The following SCHIP1 variants were observed in gnomAD, a reference collection of about 807,000 sequenced individuals.
SCHIP1 encodes the protein schwannomin interacting protein 1, also known as schwannomin-interacting protein 1.
A neutral mutation model predicts 29.7 loss-of-function variants in SCHIP1; 8 were observed. The ratio of observed to expected loss-of-function variants is 0.27; its 90% CI spans 0.16 to 0.49. The LOEUF (loss-of-function observed/expected upper bound fraction) is 0.49. SCHIP1 is among the 20% of genes least tolerant of loss of function. The probability of loss-of-function intolerance (pLI) is 0.99; values close to 1 mark genes in which losing one functional copy is unlikely to be tolerated. For missense variants in SCHIP1, 193 were observed against 294.6 expected (o/e 0.66, Z 2.52); for synonymous variants, 76 against 94.9 (o/e 0.80, Z 1.16).
the SCHIP1 span, among the ~76,000 whole-genome samples, chr3:159,359,389 A>G: frequency 2.3e-4 from 35 of 152,264 alleles, no homozygotes; most frequent in Middle Eastern, 0.01. Context: ...TGCCTTTCTG[A>G]TGGGTCATAT....
the SCHIP1 span, among the ~76,000 whole-genome samples, chr3:159,662,790 G>C: frequency 6.6e-6 from 1 of 152,164 alleles, no homozygotes; most frequent in African/African-American, 2.4e-5. Context: ...CAAGATATGA[G>C]TTCAGCTCCA....
chr3:159,720,147 A>T, the SCHIP1 span, among the ~76,000 whole-genome samples: 2 of 147,340 alleles, frequency 1.4e-5, no homozygotes, highest in Non-Finnish European at 1.5e-5. Context: ...CAAACACCGC[A>T]TGTTCTCACT....
chr3:159,348,555 C>A, the SCHIP1 span, among the ~76,000 whole-genome samples: 3 of 152,054 alleles, frequency 2.0e-5, no homozygotes, highest in East Asian at 5.8e-4. Flanking sequence ...TTTAAATTTG[C>A]ATTTCAAAGT....
chr3:159,626,318 C>A, the SCHIP1 span, among the ~76,000 whole-genome samples: 2 of 146,928 alleles, frequency 1.4e-5, no homozygotes, highest in African/African-American at 5.0e-5. Flanking sequence ...TTACCTTAAC[C>A]AAAGAACAAA....
At chr3:159,455,284 A>G in the SCHIP1 span, among the ~76,000 whole-genome samples, 19 of 152,312 alleles carry the variant, frequency 1.2e-4, no homozygotes, top group African/African-American at 4.3e-4. Context: ...ATATTTCCAT[A>G]CAGGTGAATG....
At chr3:159,410,438 A>C in the SCHIP1 span, among the ~76,000 whole-genome samples, 9 of 152,060 alleles carry the variant, frequency 5.9e-5, no homozygotes, top group African/African-American at 2.2e-4. Context: ...TAGAAAAAAT[A>C]TCTAATAATC....
At chr3:159,894,857 T>C (rs1717903998) in intron 6 of SCHIP1, 1 of 152,232 alleles carries the variant, frequency 6.6e-6, no homozygotes, top group Admixed American at 6.5e-5. Context: ...TGAAATTCAC[T>C]ATTTTATTTA....
At chr3:159,821,468 C>T in the SCHIP1 span, among the ~76,000 whole-genome samples, 1 of 152,172 alleles carries the variant, frequency 6.6e-6, no homozygotes, top group South Asian at 2.1e-4. Flanking sequence ...CCACCACCCC[C>T]AGTGGATGCC....
At chr3:159,411,895 A>T in the SCHIP1 span, among the ~76,000 whole-genome samples, 1,554 of 152,312 alleles carry the variant, frequency 0.01, 36 homozygotes, top group African/African-American at 0.035. Context: ...TAAGGAAAAC[A>T]TGGTAAGGTC....
the SCHIP1 span, among the ~76,000 whole-genome samples, chr3:159,735,530 C>G: frequency 6.6e-6 from 1 of 152,024 alleles, no homozygotes; most frequent in Admixed American, 6.6e-5. Context: ...ACACCTGGCC[C>G]CAATTGCTAC....
At chr3:159,896,616 C>A in intron 6 of SCHIP1, 107 bp from the exon 8 acceptor site, 2 of 1,087,368 alleles carry the variant, frequency 1.8e-6, no homozygotes, top group Non-Finnish European at 2.5e-6. Context: ...ATCTATTTCA[C>A]TGTCAGTAAC....
chr3:159,710,747 A>C, the SCHIP1 span, among the ~76,000 whole-genome samples: 2 of 152,220 alleles, frequency 1.3e-5, no homozygotes, highest in East Asian at 3.8e-4. Context: ...CTGAAACTAT[A>C]AAACTAAAAG....
At chr3:159,685,705 C>T in the SCHIP1 span, among the ~76,000 whole-genome samples, 1,048 of 152,240 alleles carry the variant, frequency 6.9e-3, 17 homozygotes, top group African/African-American at 0.024. Flanking sequence ...GTTCAGAACA[C>T]CTTTTTTTTC....
the SCHIP1 span, among the ~76,000 whole-genome samples, chr3:159,761,295 G>A: frequency 9.9e-4 from 151 of 152,286 alleles, 1 homozygote; most frequent in African/African-American, 3.5e-3. Context: ...TATTTGAGAG[G>A]GATCTTGTAC....
chr3:159,871,274 G>T (rs1715240487), intron 2 of SCHIP1, among the ~76,000 whole-genome samples: 1 of 137,738 alleles, frequency 7.3e-6, no homozygotes, highest in South Asian at 2.3e-4. Flanking sequence ...GCCCTTCCCT[G>T]ACCACCCTAT....
chr3:159,556,525 C>T, the SCHIP1 span, among the ~76,000 whole-genome samples: 11 of 151,820 alleles, frequency 7.2e-5, no homozygotes, highest in Non-Finnish European at 1.6e-4. Flanking sequence ...ACCCAAATGT[C>T]CAACAATGAT....
chr3:159,298,537 A>G, the SCHIP1 span, among the ~76,000 whole-genome samples: 3 of 152,212 alleles, frequency 2.0e-5, no homozygotes, highest in East Asian at 5.8e-4. Context: ...CTGATAGCTT[A>G]TGTTTGGAGC....
chr3:159,548,918 G>A, the SCHIP1 span, among the ~76,000 whole-genome samples: 8 of 152,162 alleles, frequency 5.3e-5, no homozygotes, highest in African/African-American at 1.9e-4. Context: ...AAAATGGATC[G>A]TATTCTCCTG....
chr3:159,842,791 T>C (rs1268099330), intron 1 of SCHIP1, among the ~76,000 whole-genome samples: 1 of 142,214 alleles, frequency 7.0e-6, no homozygotes, highest in Non-Finnish European at 1.5e-5. Flanking sequence ...TACACTAAAA[T>C]ATTGTTCACT....
Sources: gnomAD v4.1 joint callset for allele counts (sites outside exome capture counted in the v4.1 genomes callset) on GRCh38, gnomAD v4.1.1 for gene constraint, MANE v1.5 for transcripts, NCBI Gene and HGNC (gene_info 2026-07-23, HGNC 2026-07-21) for gene names.